CSMD1: variants seen among roughly 807,000 people sequenced by gnomAD.
The protein encoded by CSMD1 is CUB and Sushi multiple domains 1, also known as CUB and sushi domain-containing protein 1.
In CSMD1, 213 loss-of-function variants were observed where a neutral mutation model predicts 417.5. That is an observed-to-expected ratio of 0.51 (90% CI 0.46 to 0.57). The LOEUF (loss-of-function observed/expected upper bound fraction) is 0.57, where lower values mean the gene tolerates loss of function less well. Among genes scored for constraint, CSMD1 ranks in the 20% least tolerant of loss-of-function variants. The pLI, the probability that CSMD1 is intolerant of heterozygous loss-of-function variation, is 0.00. For synonymous variants in CSMD1, 2,862 were observed against 1,736.8 expected (o/e 1.65, Z -16.11); for missense variants, 6,923 against 4,529.7 (o/e 1.53, Z -15.17).
chr8:4,781,933 C>G (rs894072030), intron 1 of CSMD1, among the ~76,000 whole-genome samples: 1 of 152,154 alleles, frequency 6.6e-6, no homozygotes, highest in Non-Finnish European at 1.5e-5. Flanking sequence ...TTACAAAAAG[C>G]TCTTTGTAAA....
chr8:4,036,872 G>C (rs994138033), intron 3 of CSMD1, among the ~76,000 whole-genome samples: 3 of 152,174 alleles, frequency 2.0e-5, no homozygotes, highest in Admixed American at 6.5e-5. Flanking sequence ...GGTATGTCCA[G>C]TTTCCTCCAT....
chr8:3,402,803 T>G (rs1812119585), intron 15 of CSMD1, among the ~76,000 whole-genome samples: 2 of 152,152 alleles, frequency 1.3e-5, no homozygotes, highest in Non-Finnish European at 2.9e-5. Context: ...ACACTTGAAT[T>G]TTATTAATAG....
intron 3 of CSMD1, among the ~76,000 whole-genome samples, chr8:4,074,075 G>C (rs972429903): frequency 6.6e-5 from 10 of 151,976 alleles, no homozygotes; most frequent in African/African-American, 2.4e-4. Context: ...ATATGGAATA[G>C]ACAAATTTTG....
chr8:3,893,018 T>C (rs1157617532), intron 5 of CSMD1, among the ~76,000 whole-genome samples: 3 of 151,634 alleles, frequency 2.0e-5, no homozygotes, highest in African/African-American at 2.4e-5. Flanking sequence ...ACACTGAAAA[T>C]AACTTGTCAA....
At chr8:3,582,938 T>C (rs1045716678) in intron 9 of CSMD1, among the ~76,000 whole-genome samples, 1 of 152,150 alleles carries the variant, frequency 6.6e-6, no homozygotes, top group East Asian at 1.9e-4. Context: ...TGAAGGGATT[T>C]TGGAGGCATA....
chr8:3,643,593 C>T (rs532334429), intron 7 of CSMD1, among the ~76,000 whole-genome samples: 126 of 150,424 alleles, frequency 8.4e-4, no homozygotes, highest in African/African-American at 1.2e-3. Context: ...CCCAACTACC[C>T]GGGCGGCTGA....
At chr8:3,196,019 G>A (rs569467224) in intron 33 of CSMD1, among the ~76,000 whole-genome samples, 47 of 152,242 alleles carry the variant, frequency 3.1e-4, no homozygotes, top group Non-Finnish European at 6.2e-4. Context: ...GATGAGGTAG[G>A]AGGTCGGCAC....
At chr8:4,272,805 A>G (rs1804689111) in intron 3 of CSMD1, among the ~76,000 whole-genome samples, 2 of 152,182 alleles carry the variant, frequency 1.3e-5, no homozygotes, top group South Asian at 4.1e-4. Context: ...ACTCTAACTC[A>G]CCACTATATA....
chr8:3,087,606 C>A (rs1428456751), intron 48 of CSMD1, among the ~76,000 whole-genome samples: 3 of 152,186 alleles, frequency 2.0e-5, no homozygotes, highest in African/African-American at 7.2e-5. Flanking sequence ...TCTTGGGCCA[C>A]ACATAAAACA....
intron 26 of CSMD1, among the ~76,000 whole-genome samples, chr8:3,234,766 T>C (rs377385121): frequency 1.3e-5 from 2 of 152,178 alleles, no homozygotes; most frequent in Non-Finnish European, 2.9e-5. Flanking sequence ...AGAACACTAA[T>C]CATAGAATAC....
intron 1 of CSMD1, among the ~76,000 whole-genome samples, chr8:4,877,855 C>A (rs1245063715): frequency 6.6e-6 from 1 of 151,968 alleles, no homozygotes; most frequent in Non-Finnish European, 1.5e-5. Flanking sequence ...AATATTTAAA[C>A]AACAAATTGC....
At chr8:4,191,339 T>C (rs192615301) in intron 3 of CSMD1, among the ~76,000 whole-genome samples, 4,241 of 152,090 alleles carry the variant, frequency 0.028, 215 homozygotes, top group African/African-American at 0.096. Flanking sequence ...GAGCCTGCAG[T>C]GAGCAGAGAT....
At chr8:4,971,862 A>G (rs1293962833) in intron 1 of CSMD1, among the ~76,000 whole-genome samples, 1 of 152,026 alleles carries the variant, frequency 6.6e-6, no homozygotes, top group Non-Finnish European at 1.5e-5. Flanking sequence ...GAAGAAATGG[A>G]CTGTAATCCC....
At chr8:3,326,443 G>A (rs1452742041) in intron 23 of CSMD1, among the ~76,000 whole-genome samples, 2 of 152,214 alleles carry the variant, frequency 1.3e-5, no homozygotes, top group Non-Finnish European at 2.9e-5. Flanking sequence ...GGTATGAGGT[G>A]TTTCGGTTTC....
intron 3 of CSMD1, among the ~76,000 whole-genome samples, chr8:4,274,025 CA>C (rs1804766869): frequency 6.6e-6 from 1 of 152,072 alleles, no homozygotes; most frequent in African/African-American, 2.4e-5. Context: ...TATTCTATGT[CA>C]CTTAAAATAA....
At chr8:4,198,238 C>G (rs951511834) in intron 3 of CSMD1, among the ~76,000 whole-genome samples, 1 of 152,206 alleles carries the variant, frequency 6.6e-6, no homozygotes, top group Admixed American at 6.5e-5. Flanking sequence ...CACCACATCC[C>G]ATTAAGTTAT....
chr8:3,182,852 G>GTGTGTGTGTGTGTGTGTGTGTGTGTC (rs1821470082), intron 36 of CSMD1: 2 of 98,166 alleles, frequency 2.0e-5, no homozygotes, highest in Non-Finnish European at 4.0e-5. Context: ...GTGTGTGTGT[G>GTGTGTGTGTGTGTGTGTGTGTGTGTC]TGTGTGTGTG....
intron 49 of CSMD1, among the ~76,000 whole-genome samples, chr8:3,072,355 T>C (rs1260875672): frequency 6.6e-6 from 1 of 152,196 alleles, no homozygotes; most frequent in African/African-American, 2.4e-5. Context: ...ACAATGAAGA[T>C]TTTAACAATT....
chr8:3,625,303 G>A (rs577175402), intron 7 of CSMD1, among the ~76,000 whole-genome samples: 49 of 152,248 alleles, frequency 3.2e-4, no homozygotes, highest in African/African-American at 1.1e-3. Context: ...TATACGTATT[G>A]TTTTAGATCT....
Sources: gnomAD v4.1 joint callset for allele counts (sites outside exome capture counted in the v4.1 genomes callset) on GRCh38, gnomAD v4.1.1 for gene constraint, MANE v1.5 for transcripts, NCBI Gene and HGNC (gene_info 2026-07-23, HGNC 2026-07-21) for gene names.